Variants in MARCHF1 observed in about 807,000 individuals in gnomAD.
MARCHF1 encodes the protein membrane associated ring-CH-type finger 1.
Under a neutral mutation model 54.2 loss-of-function variants are expected in MARCHF1, and 40 were observed. That is an observed-to-expected ratio of 0.74 (90% CI 0.57 to 0.96). MARCHF1 has a LOEUF of 0.96. Ranked by LOEUF, MARCHF1 falls within the 40% of genes least tolerant of loss-of-function variation. MARCHF1 has a pLI of 0.00. For missense variants in MARCHF1, 586 were observed against 656.5 expected, an observed-to-expected ratio of 0.89 and a Z score of 1.17; for synonymous variants, 236 against 236.3, an observed-to-expected ratio of 1.00 and a Z score of 0.01.
At chr4:164,176,993 T>TA (rs1730704413) in intron 1 of MARCHF1, among the ~76,000 whole-genome samples, 2 of 110,036 alleles carry the variant, frequency 1.8e-5, no homozygotes, top group African/African-American at 3.8e-5. Context: ...TATATATATA[T>TA]ATATATATAT....
chr4:163,917,833 T>A (rs2111353528), intron 3 of MARCHF1, among the ~76,000 whole-genome samples: 1 of 152,268 alleles, frequency 6.6e-6, no homozygotes, highest in Middle Eastern at 3.4e-3. Context: ...TTGCAAAAAT[T>A]TTCTCCCACT....
At chr4:164,260,661 G>A (rs1733436170) in intron 1 of MARCHF1, among the ~76,000 whole-genome samples, 1 of 152,166 alleles carries the variant, frequency 6.6e-6, no homozygotes, top group Admixed American at 6.5e-5. Flanking sequence ...GTACACAATT[G>A]TGACTATTTT....
intron 5 of MARCHF1, among the ~76,000 whole-genome samples, chr4:163,684,126 C>G (rs566010969): frequency 6.6e-6 from 1 of 152,160 alleles, no homozygotes; most frequent in East Asian, 1.9e-4. Context: ...GGAGCCACCA[C>G]GTAGTACCTC....
chr4:163,960,632 C>T (rs186440183), intron 3 of MARCHF1, among the ~76,000 whole-genome samples: 5 of 151,822 alleles, frequency 3.3e-5, no homozygotes, highest in Non-Finnish European at 7.4e-5. Flanking sequence ...AAGAAGGGAA[C>T]AACAGACACT....
chr4:163,554,898 G>A (rs1393487180), intron 8 of MARCHF1, among the ~76,000 whole-genome samples: 1 of 152,126 alleles, frequency 6.6e-6, no homozygotes, highest in East Asian at 1.9e-4. Context: ...ATATATATGA[G>A]CCCAATGTTA....
intron 2 of MARCHF1, among the ~76,000 whole-genome samples, chr4:164,052,092 C>T (rs1454502854): frequency 6.6e-6 from 1 of 151,120 alleles, no homozygotes; most frequent in East Asian, 1.9e-4. Flanking sequence ...AAAGTACCAA[C>T]ATTCCAAGAC....
At chr4:163,927,228 T>C (rs1298182564) in intron 3 of MARCHF1, among the ~76,000 whole-genome samples, 3 of 151,822 alleles carry the variant, frequency 2.0e-5, no homozygotes, top group Admixed American at 2.0e-4. Flanking sequence ...ATGTCATTCC[T>C]ACTACTAGTT....
At chr4:163,760,531 C>T in intron 4 of MARCHF1, among the ~76,000 whole-genome samples, 1 of 152,002 alleles carries the variant, frequency 6.6e-6, no homozygotes. Flanking sequence ...AAGAGTTTTC[C>T]CTTTTTGGTT....
chr4:164,131,921 T>C (rs753248492), intron 1 of MARCHF1, among the ~76,000 whole-genome samples: 1 of 152,164 alleles, frequency 6.6e-6, no homozygotes, highest in Admixed American at 6.5e-5. Flanking sequence ...TGCATTGACA[T>C]ACTAGTCCTC....
At chr4:164,097,097 G>T (rs1978663) in intron 2 of MARCHF1, among the ~76,000 whole-genome samples, 63,606 of 151,914 alleles carry the variant, frequency 0.42, 14,326 homozygotes, top group Non-Finnish European at 0.5. Flanking sequence ...ATAATGTAAG[G>T]CTTGTTATAC....
intron 4 of MARCHF1, among the ~76,000 whole-genome samples, chr4:163,733,177 GTATATATATATATATATATATATA>G (rs1169850987): frequency 5.7e-5 from 1 of 17,550 alleles, no homozygotes. Flanking sequence ...CTGTATGTGT[GTATATATATATATATATATATATA>G]TATATATATA....
chr4:163,965,696 A>C (rs1752429247), intron 3 of MARCHF1, among the ~76,000 whole-genome samples: 1 of 152,098 alleles, frequency 6.6e-6, no homozygotes, highest in Non-Finnish European at 1.5e-5. Context: ...GTCTGAGAAG[A>C]TTATAACACT....
intron 2 of MARCHF1, among the ~76,000 whole-genome samples, chr4:164,044,004 C>G (rs758449960): frequency 2.0e-5 from 3 of 152,156 alleles, no homozygotes; most frequent in Non-Finnish European, 4.4e-5. Context: ...GAGACCACCT[C>G]AGCCTGGACT....
At chr4:163,777,335 A>G (rs1337484115) in intron 4 of MARCHF1, among the ~76,000 whole-genome samples, 1 of 152,212 alleles carries the variant, frequency 6.6e-6, no homozygotes, top group African/African-American at 2.4e-5. Context: ...ATTTGTATCC[A>G]TAAATGTAAA....
intron 4 of MARCHF1, among the ~76,000 whole-genome samples, chr4:163,755,851 G>A (rs1321131588): frequency 6.6e-6 from 1 of 152,178 alleles, no homozygotes; most frequent in East Asian, 1.9e-4. Context: ...ATGTAAAGGT[G>A]TACATGAACT....
chr4:163,580,329 C>T (rs555766645), intron 8 of MARCHF1, among the ~76,000 whole-genome samples: 14 of 152,116 alleles, frequency 9.2e-5, no homozygotes, highest in Admixed American at 4.6e-4. Context: ...CCGCCCGCCT[C>T]GGCCTCCCAA....
At chr4:163,813,840 G>A (rs988033909) in intron 4 of MARCHF1, among the ~76,000 whole-genome samples, 2 of 152,142 alleles carry the variant, frequency 1.3e-5, no homozygotes, top group Non-Finnish European at 2.9e-5. Flanking sequence ...CTGACATAAC[G>A]TAAAAGAGTC....
chr4:163,877,930 AT>A (rs1750328961), intron 3 of MARCHF1, among the ~76,000 whole-genome samples: 1 of 152,198 alleles, frequency 6.6e-6, no homozygotes, highest in Admixed American at 6.5e-5. Flanking sequence ...GGGTGAAAGC[AT>A]GCAAACATGG....
At chr4:164,329,670 C>T (rs957305547) in intron 1 of MARCHF1, among the ~76,000 whole-genome samples, 1 of 152,150 alleles carries the variant, frequency 6.6e-6, no homozygotes, top group African/African-American at 2.4e-5. Flanking sequence ...CAGGAAGCTT[C>T]CAATCATGAC....
Sources: gnomAD v4.1 joint callset for allele counts (sites outside exome capture counted in the v4.1 genomes callset) on GRCh38, gnomAD v4.1.1 for gene constraint, MANE v1.5 for transcripts, NCBI Gene and HGNC (gene_info 2026-07-23, HGNC 2026-07-21) for gene names.